The following NCBP1 variants were observed in gnomAD, a reference collection of about 807,000 sequenced individuals.
NCBP1 encodes nuclear cap binding protein subunit 1.
Under a neutral mutation model 111.7 loss-of-function variants are expected in NCBP1, and 16 were observed. The observed-to-expected ratio is 0.14, with a 90% CI of 0.10 to 0.22. NCBP1 has a LOEUF of 0.22. Ranked by LOEUF, NCBP1 falls within the 10% of genes least tolerant of loss-of-function variation. NCBP1 has a pLI of 1.00. For synonymous variants in NCBP1, 304 were observed against 314.3 expected (o/e 0.97, Z 0.35); for missense variants, 607 against 957.5 (o/e 0.63, Z 4.83).
chr9:97,655,014 A>C lies in NCBP1; in HGVS notation c.1235+70A>C, dbSNP rs552870796. 7.9e-6 allele frequency: 10 copies of C among 1,264,660 alleles called. No homozygotes were observed. The South Asian group carries it at 1.6e-4, about 20-fold the overall frequency. 78.3% of individuals were successfully genotyped at this position (1,264,660 alleles called of 1,614,324 possible). ...TTCCTGTACTTCATAAAGGAATTTG[A>C]GAAAGACATTTTTAAGAATTTCCAT... On this transcript the variant is annotated intron_variant, in intron 12 of 22. Transcript: ENST00000375147.
At chr9:97,658,818 G>A (rs1827747836) in intron 15 of NCBP1, 75 bp downstream of exon 15, 5 of 1,185,418 alleles carry the variant, frequency 4.2e-6, no homozygotes, top group Non-Finnish European at 3.8e-6. Flanking sequence ...TGTTTAAAGT[G>A]GAGAAATTGA....
chr9:97,633,989 G>A, intron 1 of NCBP1, 74 bp downstream of exon 1: 1 of 1,432,990 alleles, frequency 7.0e-7, no homozygotes, highest in South Asian at 1.3e-5. Flanking sequence ...GGGTGTCCAC[G>A]GAAGAGACTG....
At chr9:97,669,749 C>T in intron 22 of NCBP1, 43 bp downstream of exon 22, 1 of 1,343,470 alleles carries the variant, frequency 7.4e-7, no homozygotes, top group Non-Finnish European at 1.1e-6. Context: ...TATTCTCAGC[C>T]ACAAAGATTT....
At position 97,668,009 on chromosome 9, in the gene NCBP1, T is replaced by C. The variant is rs375659814; in HGVS notation, c.2017-837T>C. On this transcript the variant is annotated intron_variant, in intron 20 of 22. Coordinates refer to ENST00000375147, the MANE Select transcript of NCBP1 (RefSeq NM_002486.5). ...GTTTATAGAGAGAAAAGCAAGATTC[T>C]GTGATATCCGAGAGCAGGGTTCTGA... Among the ~76,000 whole-genome samples, 236 of 152,314 alleles carry C rather than the reference T, an allele frequency of 1.5e-3. 1 individual carries two copies. Among genetic ancestry groups the C allele is most frequent in the African/African-American group, 5.5e-3 (228 of 41,570 alleles).
chr9:97,638,462 A>G (rs912322881), intron 1 of NCBP1, among the ~76,000 whole-genome samples: 5 of 152,150 alleles, frequency 3.3e-5, no homozygotes, highest in South Asian at 2.1e-4. Context: ...CTGTGGTATG[A>G]TTCCAAACTG....
intron 20 of NCBP1, among the ~76,000 whole-genome samples, chr9:97,667,277 C>T (rs1170871288): frequency 6.6e-6 from 1 of 152,024 alleles, no homozygotes; most frequent in Non-Finnish European, 1.5e-5. Flanking sequence ...GCAGTCATTC[C>T]CAAGTTAACG....
At chr9:97,665,708 G>T (rs556356921) in intron 19 of NCBP1, among the ~76,000 whole-genome samples, 36 of 152,270 alleles carry the variant, frequency 2.4e-4, no homozygotes, top group South Asian at 1.7e-3. Context: ...AGGAAGTACA[G>T]TTCACCCTTG....
At chr9:97,649,960 AG>A (rs1256235048) in intron 8 of NCBP1, among the ~76,000 whole-genome samples, 4 of 152,194 alleles carry the variant, frequency 2.6e-5, no homozygotes, top group Admixed American at 2.0e-4. Flanking sequence ...TGTAAAAAAA[AG>A]ATTAGAATCA....
At chr9:97,645,440 A>C (rs1174110347) in intron 5 of NCBP1, among the ~76,000 whole-genome samples, 171 bp from the exon 6 acceptor site, 2 of 152,180 alleles carry the variant, frequency 1.3e-5, no homozygotes, top group Non-Finnish European at 2.9e-5. Flanking sequence ...GATTTAAATG[A>C]TGCTGTCTAG....
chr9:97,633,993 G>T (rs1049141402), intron 1 of NCBP1, 78 bp downstream of exon 1: 2 of 1,436,636 alleles, frequency 1.4e-6, no homozygotes, highest in Admixed American at 2.4e-5. Context: ...GTCCACGGAA[G>T]AGACTGGAAG....
intron 1 of NCBP1, among the ~76,000 whole-genome samples, chr9:97,636,328 T>A (rs1587992283): frequency 6.6e-6 from 1 of 151,792 alleles, no homozygotes; most frequent in East Asian, 1.9e-4. Flanking sequence ...AGGGTAGGAA[T>A]TATTACAGTC....
At chr9:97,638,157 C>T (rs184453254) in intron 1 of NCBP1, among the ~76,000 whole-genome samples, 1 of 152,252 alleles carries the variant, frequency 6.6e-6, no homozygotes, top group East Asian at 1.9e-4. Context: ...AGTTCAATAT[C>T]ATGTTTCTGT....
chr9:97,662,831 T>C (rs1827877003), intron 17 of NCBP1, 123 bp from the exon 18 acceptor site: 2 of 693,460 alleles, frequency 2.9e-6, no homozygotes, highest in Admixed American at 5.8e-5. Flanking sequence ...TAATGGTTAA[T>C]ACTTAGTTAT....
At chr9:97,640,130 AT>A (rs1827165827) in intron 1 of NCBP1, among the ~76,000 whole-genome samples, 1 of 152,134 alleles carries the variant, frequency 6.6e-6, no homozygotes, top group African/African-American at 2.4e-5. Context: ...AGGATAAACT[AT>A]ACCGTTGTGC....
chr9:97,640,961 A>G, intron 2 of NCBP1, 79 bp downstream of exon 2: 1 of 1,087,068 alleles, frequency 9.2e-7, no homozygotes, highest in Non-Finnish European at 1.3e-6. Context: ...TTGCAGCTGA[A>G]AAGTTGGACT....
chr9:97,637,023 A>AG (rs1027859255), intron 1 of NCBP1, among the ~76,000 whole-genome samples: 29 of 152,166 alleles, frequency 1.9e-4, no homozygotes, highest in African/African-American at 7.0e-4. Context: ...TGAAGACTAT[A>AG]GGGTTCCTGT....
chr9:97,654,610 TGTATGCCTGTGC>T (rs1827593626), intron 11 of NCBP1, among the ~76,000 whole-genome samples: 2 of 151,338 alleles, frequency 1.3e-5, no homozygotes, highest in Admixed American at 1.3e-4. Flanking sequence ...AATGAAACAA[TGTATGCCTGTGC>T]GTATGGAGGG....
Position 97,661,642 on chromosome 9 carries a change from A to G in NCBP1, c.1601-400A>G, listed in dbSNP as rs1287010764. Among the ~76,000 whole-genome samples the G allele has an allele frequency of 2.6e-5, 4 of 151,930 alleles. No individual in the cohort carries two copies. In the East Asian group the frequency reaches 7.8e-4, roughly 29 times the overall value. On this transcript the variant is annotated intron_variant, in intron 16 of 22. Coordinates refer to ENST00000375147, the MANE Select transcript of NCBP1 (RefSeq NM_002486.5). Reference sequence around the variant, plus strand: ...ATATCTCTAAGAAATTTGTATTATGATATTAGAGAAAATGAGTTTAGAAAG... The same window carrying G: ...ATATCTCTAAGAAATTTGTATTATGGTATTAGAGAAAATGAGTTTAGAAAG...
chr9:97,667,166 AG>A (rs1828031505), intron 20 of NCBP1, among the ~76,000 whole-genome samples: 1 of 152,184 alleles, frequency 6.6e-6, no homozygotes, highest in Admixed American at 6.5e-5. Flanking sequence ...GGGAAGTAGC[AG>A]AAGGGAAGAG....
Sources: gnomAD v4.1 joint callset for allele counts (sites outside exome capture counted in the v4.1 genomes callset) on GRCh38, gnomAD v4.1.1 for gene constraint, MANE v1.5 for transcripts, NCBI Gene and HGNC (gene_info 2026-07-23, HGNC 2026-07-21) for gene names.